RNF185: variants seen among roughly 807,000 people sequenced by gnomAD.
The protein encoded by RNF185 is E3 ubiquitin-protein ligase RNF185.
RNF185 carries 13 observed loss-of-function variants against 24.9 expected under a neutral mutation model. The ratio of observed to expected loss-of-function variants is 0.52; its 90% CI spans 0.34 to 0.83. RNF185 has a LOEUF of 0.83. Among genes scored for constraint, RNF185 ranks in the 40% least tolerant of loss-of-function variants. The pLI is 0.01. For missense variants in RNF185, 184 were observed against 244.7 expected, an observed-to-expected ratio of 0.75 and a Z score of 1.65; for synonymous variants, 79 against 90.3, an observed-to-expected ratio of 0.88 and a Z score of 0.71.
chr22:31,188,355 A>C (rs2048120200), intron 2 of RNF185, among the ~76,000 whole-genome samples: 1 of 152,180 alleles, frequency 6.6e-6, no homozygotes, highest in Non-Finnish European at 1.5e-5. Context: ...CTCTTGCCCT[A>C]ATTACCATCT....
At chr22:31,183,434 G>A (rs2048059325) in intron 1 of RNF185, among the ~76,000 whole-genome samples, 1 of 151,824 alleles carries the variant, frequency 6.6e-6, no homozygotes, top group Non-Finnish European at 1.5e-5. Flanking sequence ...TTCTCGGAGA[G>A]GGGGATTTGG....
rs2048262323 is a variant in RNF185 at position 31,201,446 on chromosome 22, C to T, written c.364-52C>T. 6 of 1,350,174 alleles carry T rather than the reference C, an allele frequency of 4.4e-6. No individual in the cohort carries two copies. The South Asian group carries it at 7.0e-5, about 16-fold the overall frequency. The allele number at this position is 1,350,174 out of a possible 1,614,324, so 83.6% of individuals were successfully genotyped here. On this transcript the variant is annotated intron_variant, in intron 5 of 6. Coordinates refer to ENST00000326132, the MANE Select transcript of RNF185 (RefSeq NM_152267.4). ...GAGGTATGTTGAGTTTTGACAGGCA[C>T]AGGAGAAACCTGCCTGATTCTCCTG...
At chr22:31,161,871 T>TG (rs1445061381) in intron 1 of RNF185, among the ~76,000 whole-genome samples, 1 of 142,128 alleles carries the variant, frequency 7.0e-6, no homozygotes, top group East Asian at 1.9e-4. Context: ...CATGACAAGT[T>TG]CCAGCTTTTT....
At chr22:31,168,971 G>A (rs1924114073) in intron 1 of RNF185, among the ~76,000 whole-genome samples, 1 of 152,028 alleles carries the variant, frequency 6.6e-6, no homozygotes, top group Admixed American at 6.6e-5. Flanking sequence ...GTGCAGTGGT[G>A]GAATCTGGGC....
At chr22:31,165,541 G>A (rs1194510453) in intron 1 of RNF185, among the ~76,000 whole-genome samples, 2 of 152,192 alleles carry the variant, frequency 1.3e-5, no homozygotes, top group Non-Finnish European at 2.9e-5. Context: ...AAATTCTGAG[G>A]CAATGCCAGT....
At chr22:31,183,578 G>A (rs1379776303) in intron 1 of RNF185, among the ~76,000 whole-genome samples, 22 of 151,952 alleles carry the variant, frequency 1.4e-4, no homozygotes, top group Non-Finnish European at 1.5e-5. Context: ...TTAGGGAGTG[G>A]TGATGACTCT....
At chr22:31,191,589 G>C (rs2147952487) in intron 2 of RNF185, among the ~76,000 whole-genome samples, 1 of 152,286 alleles carries the variant, frequency 6.6e-6, no homozygotes, top group Middle Eastern at 3.4e-3. Flanking sequence ...CCAGCACTTT[G>C]GGAGGCCAAG....
chr22:31,199,428 C>T (rs1046377593), intron 5 of RNF185, among the ~76,000 whole-genome samples: 2 of 152,208 alleles, frequency 1.3e-5, no homozygotes, highest in Non-Finnish European at 2.9e-5. Context: ...GCATTAGCAA[C>T]TAATGCAGGA....
intron 2 of RNF185, among the ~76,000 whole-genome samples, chr22:31,188,679 A>T (rs1220732523): frequency 6.6e-6 from 1 of 151,812 alleles, no homozygotes; most frequent in Non-Finnish European, 1.5e-5. Flanking sequence ...CTAGTCAGGC[A>T]TGGTGGCGGT....
chr22:31,179,364 C>A (rs1302768057), intron 1 of RNF185, among the ~76,000 whole-genome samples: 1 of 152,192 alleles, frequency 6.6e-6, no homozygotes, highest in Admixed American at 6.5e-5. Flanking sequence ...TGATTTCTGC[C>A]ATGCCACCTT....
intron 1 of RNF185, among the ~76,000 whole-genome samples, chr22:31,170,664 C>T (rs868797629): frequency 3.1e-4 from 47 of 152,014 alleles, no homozygotes; most frequent in African/African-American, 1.0e-3. Context: ...ACATGTGCCA[C>T]CACACCCAGC....
chr22:31,194,054 G>A (rs1053419669), intron 3 of RNF185, among the ~76,000 whole-genome samples: 15 of 151,330 alleles, frequency 9.9e-5, no homozygotes, highest in African/African-American at 3.6e-4. Flanking sequence ...CACCACACCC[G>A]GCTAGTTTTT....
At chr22:31,184,784 G>A (rs1055517106) in intron 1 of RNF185, among the ~76,000 whole-genome samples, 15 of 152,028 alleles carry the variant, frequency 9.9e-5, no homozygotes, top group Admixed American at 2.6e-4. Flanking sequence ...GTGTGGCGGC[G>A]CGCGCCTGCA....
At chr22:31,191,594 G>T (rs975133428) in intron 2 of RNF185, among the ~76,000 whole-genome samples, 1 of 152,132 alleles carries the variant, frequency 6.6e-6, no homozygotes, top group African/African-American at 2.4e-5. Context: ...ACTTTGGGAG[G>T]CCAAGGTGGG....
intron 1 of RNF185, among the ~76,000 whole-genome samples, chr22:31,175,420 C>T (rs1044950397): frequency 3.4e-4 from 51 of 151,224 alleles, no homozygotes; most frequent in Non-Finnish European, 4.6e-4. Flanking sequence ...CGCCATTGCA[C>T]TCCATCCTGG....
chr22:31,162,766 C>T (rs796251548), intron 1 of RNF185, among the ~76,000 whole-genome samples: 38 of 134,446 alleles, frequency 2.8e-4, no homozygotes, highest in Admixed American at 7.0e-4. Flanking sequence ...ATTTTTCTTT[C>T]TTTTTTTTTT....
At chr22:31,199,610 A>T (rs1272541979) in intron 5 of RNF185, among the ~76,000 whole-genome samples, 1 of 152,212 alleles carries the variant, frequency 6.6e-6, no homozygotes, top group African/African-American at 2.4e-5. Flanking sequence ...GCTAGAAGGG[A>T]AGCAGAACGG....
chr22:31,202,084 G>A (rs1007506862), intron 6 of RNF185, among the ~76,000 whole-genome samples: 1 of 152,164 alleles, frequency 6.6e-6, no homozygotes, highest in South Asian at 2.1e-4. Context: ...TGGCATCTCT[G>A]TCTAGCTTCC....
At chr22:31,164,077 G>A (rs910034157) in intron 1 of RNF185, among the ~76,000 whole-genome samples, 40 of 151,860 alleles carry the variant, frequency 2.6e-4, no homozygotes, top group Non-Finnish European at 5.4e-4. Flanking sequence ...TGCCTCCCAG[G>A]TTCAAGCGAT....
Sources: allele counts gnomAD v4.1 joint callset (sites outside exome capture counted in the v4.1 genomes callset), GRCh38; gene constraint gnomAD v4.1.1; transcripts MANE v1.5; gene names NCBI Gene and HGNC (gene_info 2026-07-23, HGNC 2026-07-21).